Variants in ROBO1 observed in about 807,000 individuals in gnomAD.
The protein encoded by ROBO1 is roundabout guidance receptor 1, also known as roundabout homolog 1.
In ROBO1, 149 loss-of-function variants were observed where a neutral mutation model predicts 195.9. The observed-to-expected ratio is 0.76, with a 90% CI of 0.67 to 0.87. ROBO1 has a LOEUF of 0.87. Among genes scored for constraint, ROBO1 ranks in the 40% least tolerant of loss-of-function variants. The pLI, the probability that ROBO1 is intolerant of heterozygous loss-of-function variation, is 0.00. For synonymous variants in ROBO1, 816 were observed against 733.2 expected, an observed-to-expected ratio of 1.11 and a Z score of -1.82; for missense variants, 1,933 against 2,068.3, an observed-to-expected ratio of 0.93 and a Z score of 1.27.
At chr3:79,257,094 T>C (rs1416807521) in intron 2 of ROBO1, among the ~76,000 whole-genome samples, 3 of 152,170 alleles carry the variant, frequency 2.0e-5, no homozygotes, top group African/African-American at 7.2e-5. Context: ...GGTGTCACTT[T>C]CCAGAAAGTA....
chr3:79,575,250 AATAT>A (rs370575812), intron 2 of ROBO1, among the ~76,000 whole-genome samples: 1 of 123,938 alleles, frequency 8.1e-6, no homozygotes, highest in African/African-American at 3.2e-5. Flanking sequence ...ATATATAACA[AATAT>A]ATATAAATAT....
At chr3:79,472,673 T>C (rs1255239625) in intron 2 of ROBO1, among the ~76,000 whole-genome samples, 2 of 152,164 alleles carry the variant, frequency 1.3e-5, no homozygotes, top group African/African-American at 4.8e-5. Context: ...GAAAACCAAT[T>C]TTATTTGAGT....
chr3:79,477,973 G>T (rs1014327532), intron 2 of ROBO1, among the ~76,000 whole-genome samples: 2 of 152,070 alleles, frequency 1.3e-5, no homozygotes, highest in African/African-American at 4.8e-5. Context: ...ACTGTACCTT[G>T]ATCTAAATAA....
rs144330214 is a variant in ROBO1 at position 78,827,399 on chromosome 3, C to T, written c.500-80499G>A. On this transcript the variant is annotated intron_variant, in intron 4 of 30. Transcript: ENST00000464233. ...AAAACTTACAAATGTAGTTCAATCT[C>T]TGAAATTAATAAATAATAAATCTGA... 3.4e-3 allele frequency among the ~76,000 whole-genome samples: 512 copies of T among 152,268 alleles called. 5 individuals carry two copies. The highest frequency in any genetic ancestry group is 4.0e-3 in the Non-Finnish European group (273 of 67,996).
intron 2 of ROBO1, among the ~76,000 whole-genome samples, chr3:79,234,693 C>T (rs958084569): frequency 4.9e-4 from 74 of 152,098 alleles, no homozygotes; most frequent in African/African-American, 1.8e-3. Context: ...AGCTGAAGGA[C>T]ATTATCCTAA....
At chr3:79,346,600 T>G (rs2035129567) in intron 2 of ROBO1, among the ~76,000 whole-genome samples, 1 of 152,098 alleles carries the variant, frequency 6.6e-6, no homozygotes, top group Admixed American at 6.5e-5. Flanking sequence ...TAGGAATTAA[T>G]TTTTTCTATG....
At chr3:79,082,250 C>T (rs576790016) in intron 3 of ROBO1, among the ~76,000 whole-genome samples, 1 of 152,078 alleles carries the variant, frequency 6.6e-6, no homozygotes, top group Admixed American at 6.5e-5. Flanking sequence ...CCTGGCTTGA[C>T]TAAATTTACA....
intron 2 of ROBO1, among the ~76,000 whole-genome samples, chr3:79,433,055 G>A (rs536971408): frequency 3.1e-4 from 47 of 152,224 alleles, no homozygotes; most frequent in African/African-American, 6.7e-4. Flanking sequence ...TACATGTGCC[G>A]ATGTGTGGGT....
At chr3:79,197,736 T>C (rs1262343706) in intron 2 of ROBO1, among the ~76,000 whole-genome samples, 1 of 152,116 alleles carries the variant, frequency 6.6e-6, no homozygotes, top group African/African-American at 2.4e-5. Context: ...CCACTGTAAC[T>C]GGAGTGAGAT....
At chr3:79,298,077 T>C (rs188637403) in intron 2 of ROBO1, among the ~76,000 whole-genome samples, 117 of 152,240 alleles carry the variant, frequency 7.7e-4, no homozygotes, top group African/African-American at 2.7e-3. Context: ...ATTCTCAAAG[T>C]GATAATGAAT....
At chr3:78,903,048 C>T (rs2037680167) in intron 4 of ROBO1, among the ~76,000 whole-genome samples, 1 of 152,064 alleles carries the variant, frequency 6.6e-6, no homozygotes. Flanking sequence ...TTGAAAACTA[C>T]TCTCATAGGA....
At chr3:78,811,704 C>T (rs1053622666) in intron 4 of ROBO1, among the ~76,000 whole-genome samples, 1 of 152,164 alleles carries the variant, frequency 6.6e-6, no homozygotes, top group Non-Finnish European at 1.5e-5. Context: ...CGCTATTCCT[C>T]TAGCCACTAA....
intron 4 of ROBO1, among the ~76,000 whole-genome samples, chr3:78,898,944 C>T (rs1279469099): frequency 1.3e-5 from 2 of 152,070 alleles, no homozygotes; most frequent in Non-Finnish European, 2.9e-5. Flanking sequence ...CAAAGAGAGA[C>T]TAGAAAGCCC....
chr3:78,824,081 ATTAT>A (rs2108694462), intron 4 of ROBO1, among the ~76,000 whole-genome samples: 2 of 152,274 alleles, frequency 1.3e-5, no homozygotes, highest in African/African-American at 4.8e-5. Context: ...TGAACTAGGA[ATTAT>A]TTGTTTTTAT....
intron 3 of ROBO1, among the ~76,000 whole-genome samples, chr3:79,055,558 A>T (rs116330543): frequency 0.032 from 4,864 of 152,162 alleles, 100 homozygotes; most frequent in Middle Eastern, 0.071. Flanking sequence ...AAAAGGTACA[A>T]TTCAGCCTTA....
intron 2 of ROBO1, among the ~76,000 whole-genome samples, chr3:79,135,911 T>C (rs1013904463): frequency 1.3e-5 from 2 of 152,188 alleles, no homozygotes; most frequent in Non-Finnish European, 2.9e-5. Flanking sequence ...TGCTGGGATT[T>C]ACAGGCGTGA....
At chr3:79,146,348 G>A (rs919190706) in intron 2 of ROBO1, among the ~76,000 whole-genome samples, 4 of 151,760 alleles carry the variant, frequency 2.6e-5, no homozygotes, top group African/African-American at 7.3e-5. Context: ...GAAAAGAAAT[G>A]GTCCGTAAAA....
intron 5 of ROBO1, among the ~76,000 whole-genome samples, chr3:78,723,827 C>CA (rs1388661399): frequency 6.6e-6 from 1 of 151,996 alleles, no homozygotes; most frequent in African/African-American, 2.4e-5. Context: ...ATTCAAAAGA[C>CA]AAAAGGAAGG....
intron 2 of ROBO1, among the ~76,000 whole-genome samples, chr3:79,283,867 T>G (rs2031702838): frequency 6.6e-6 from 1 of 151,688 alleles, no homozygotes; most frequent in African/African-American, 2.4e-5. Flanking sequence ...CCGGCTAATT[T>G]TTTGTATTTT....
Sources: gnomAD v4.1 joint callset for allele counts (sites outside exome capture counted in the v4.1 genomes callset) on GRCh38, gnomAD v4.1.1 for gene constraint, MANE v1.5 for transcripts, NCBI Gene and HGNC (gene_info 2026-07-23, HGNC 2026-07-21) for gene names.